Variants in MBD5 observed in about 807,000 individuals in gnomAD.
The protein encoded by MBD5 is methyl-CpG binding domain protein 5.
MBD5 carries 13 observed loss-of-function variants against 117.3 expected under a neutral mutation model. The observed-to-expected ratio is 0.11, with a 90% confidence interval of 0.07 to 0.18. The LOEUF (loss-of-function observed/expected upper bound fraction) is 0.18. MBD5 is among the 10% of genes least tolerant of loss of function. The pLI is 1.00. For synonymous variants in MBD5, 727 were observed against 766.4 expected, an observed-to-expected ratio of 0.95 and a Z score of 0.85; for missense variants, 1,879 against 2,093.8, an observed-to-expected ratio of 0.90 and a Z score of 2.00.
At chr2:148,150,972 C>A (rs1212172784) in intron 1 of MBD5, among the ~76,000 whole-genome samples, 4 of 151,290 alleles carry the variant, frequency 2.6e-5, no homozygotes, top group Non-Finnish European at 5.9e-5. Flanking sequence ...GAACTTCCAA[C>A]ACTATGTTGA....
At chr2:148,060,741 T>G (rs1230318753) in intron 1 of MBD5, among the ~76,000 whole-genome samples, 1 of 152,184 alleles carries the variant, frequency 6.6e-6, no homozygotes, top group Non-Finnish European at 1.5e-5. Context: ...AAATATATTT[T>G]TGCCATTTCT....
chr2:148,312,738 T>TTGGGA (rs1349226591), intron 3 of MBD5, among the ~76,000 whole-genome samples: 3 of 152,202 alleles, frequency 2.0e-5, no homozygotes, highest in East Asian at 3.9e-4. Context: ...ATTCTGGTTT[T>TTGGGA]TGGGATTTTC....
intron 3 of MBD5, among the ~76,000 whole-genome samples, chr2:148,247,641 A>AT (rs1700369626): frequency 7.6e-6 from 1 of 131,708 alleles, no homozygotes; most frequent in Admixed American, 7.9e-5. Flanking sequence ...TATAAATATT[A>AT]TATAAGAGCC....
chr2:148,231,468 TTCAGTGCC>T (rs1400051546), intron 2 of MBD5, among the ~76,000 whole-genome samples: 1 of 152,162 alleles, frequency 6.6e-6, no homozygotes, highest in African/African-American at 2.4e-5. Context: ...TTCCTACCTG[TTCAGTGCC>T]TCATTAGTGA....
intron 4 of MBD5, among the ~76,000 whole-genome samples, chr2:148,360,804 TG>T (rs1703510269): frequency 6.6e-6 from 1 of 152,194 alleles, no homozygotes; most frequent in South Asian, 2.1e-4. Context: ...TTTTCTAAGC[TG>T]GCATTAAAAT....
chr2:148,327,687 C>T (rs1295539813), intron 3 of MBD5, among the ~76,000 whole-genome samples: 5 of 151,856 alleles, frequency 3.3e-5, no homozygotes, highest in Admixed American at 2.6e-4. Context: ...TGGTTTTCAG[C>T]TCCATCAGCT....
At position 148,122,634 on chromosome 2, in the gene MBD5, A is replaced by C. The variant is rs1696796340; in HGVS notation, c.-924-56066A>C. Among the ~76,000 whole-genome samples, 3 of 152,110 alleles carry C rather than the reference A, an allele frequency of 2.0e-5. No homozygotes were observed. The South Asian group carries it at 6.2e-4, about 31-fold the overall frequency. ...AAAAACTGCATAAAAGAAGTATTTTATTTTCTTAACATTTTCCTCGAGGTG... is the reference window on the plus strand; with the variant it reads ...AAAAACTGCATAAAAGAAGTATTTTCTTTTCTTAACATTTTCCTCGAGGTG... On this transcript the variant is annotated intron_variant, in intron 1 of 13. Transcript: ENST00000642680.
chr2:148,359,889 A>G (rs1428972289), intron 4 of MBD5, among the ~76,000 whole-genome samples: 1 of 152,158 alleles, frequency 6.6e-6, no homozygotes, highest in Non-Finnish European at 1.5e-5. Flanking sequence ...TACATATATA[A>G]AAGTTATATG....
At chr2:148,326,999 G>A (rs1277452203) in intron 3 of MBD5, among the ~76,000 whole-genome samples, 1 of 151,484 alleles carries the variant, frequency 6.6e-6, no homozygotes, top group African/African-American at 2.4e-5. Flanking sequence ...CATGTTTAGT[G>A]CTTCCTTCAG....
At chr2:148,039,101 C>T (rs1694284524) in intron 1 of MBD5, among the ~76,000 whole-genome samples, 2 of 152,074 alleles carry the variant, frequency 1.3e-5, no homozygotes, top group Admixed American at 1.3e-4. Context: ...TTCTGCTTTA[C>T]AACCTTAGAT....
intron 4 of MBD5, among the ~76,000 whole-genome samples, chr2:148,422,720 C>T (rs1705647051): frequency 6.6e-6 from 1 of 152,078 alleles, no homozygotes; most frequent in South Asian, 2.1e-4. Flanking sequence ...CTAGAATAAC[C>T]ACTTTAGAGA....
chr2:148,468,558 C>T lies in MBD5; in HGVS notation c.615C>T (p.Ser205=), dbSNP rs751506980. 1.2e-6 allele frequency: 2 copies of T among 1,613,944 alleles called. No individual in the cohort carries two copies. The highest frequency in any genetic ancestry group is 2.2e-5 in the East Asian group (1 of 44,876). ...TCTACCCCCGACAGAGATTGGGCAG[C>T]AGTGAACATGGACAGAAATCTCCAT... ...HPVYPRQRLG[S]SEHGQKSPFR... The change falls in exon 8 of 14, where the codon AGC becomes AGT. Residue 205 remains serine, a synonymous_variant. Transcript: ENST00000642680.
intron 3 of MBD5, among the ~76,000 whole-genome samples, chr2:148,279,978 T>C (rs1701203139): frequency 6.6e-6 from 1 of 151,700 alleles, no homozygotes; most frequent in African/African-American, 2.4e-5. Context: ...TTTATTGTGG[T>C]TTTGTTTAGT....
At chr2:148,163,911 G>A (rs1477156691) in intron 1 of MBD5, among the ~76,000 whole-genome samples, 1 of 152,080 alleles carries the variant, frequency 6.6e-6, no homozygotes. Context: ...GATTAGTATG[G>A]GGAAAATGCA....
intron 2 of MBD5, among the ~76,000 whole-genome samples, chr2:148,222,810 C>T (rs941022003): frequency 6.6e-6 from 1 of 151,880 alleles, no homozygotes; most frequent in African/African-American, 2.4e-5. Context: ...AGTACTATGT[C>T]GAGTAACAGT....
intron 2 of MBD5, among the ~76,000 whole-genome samples, chr2:148,230,241 G>A (rs1255986633): frequency 6.6e-6 from 1 of 152,124 alleles, no homozygotes; most frequent in Non-Finnish European, 1.5e-5. Context: ...ATTGTACTGT[G>A]GCTAAGCTGG....
intron 1 of MBD5, among the ~76,000 whole-genome samples, chr2:148,118,009 G>T (rs1381857774): frequency 6.6e-6 from 1 of 152,148 alleles, no homozygotes; most frequent in Admixed American, 6.6e-5. Flanking sequence ...GCACTACAAA[G>T]CACCATAAAG....
At chr2:148,152,796 A>G (rs1194165642) in intron 1 of MBD5, among the ~76,000 whole-genome samples, 1 of 151,202 alleles carries the variant, frequency 6.6e-6, no homozygotes, top group East Asian at 1.9e-4. Flanking sequence ...TGCTTGGTAG[A>G]TCTTCCTCCA....
intron 8 of MBD5, among the ~76,000 whole-genome samples, chr2:148,480,593 G>A (rs1452556678): frequency 2.6e-5 from 4 of 151,946 alleles, no homozygotes; most frequent in Non-Finnish European, 4.4e-5. Flanking sequence ...TTTAATAAAA[G>A]TTTTAAAAAA....
Sources: gnomAD v4.1 joint callset for allele counts (sites outside exome capture counted in the v4.1 genomes callset) on GRCh38, gnomAD v4.1.1 for gene constraint, MANE v1.5 for transcripts, NCBI Gene and HGNC (gene_info 2026-07-23, HGNC 2026-07-21) for gene names.